Variants in PNPLA3 observed in about 807,000 individuals in gnomAD.
PNPLA3 encodes 1-acylglycerol-3-phosphate O-acyltransferase PNPLA3.
Under a neutral mutation model 43.1 loss-of-function variants are expected in PNPLA3, and 42 were observed. The ratio of observed to expected loss-of-function variants is 0.97; its 90% CI spans 0.76 to 1.26. The LOEUF is 1.26. PNPLA3 is among the 50% of genes most tolerant of loss of function. The pLI, the probability that PNPLA3 is intolerant of heterozygous loss-of-function variation, is 0.00. For synonymous variants in PNPLA3, 272 were observed against 253.6 expected (o/e 1.07, Z -0.69); for missense variants, 647 against 621.4 (o/e 1.04, Z -0.44).
chr22:43,928,773 A>G (rs1360524431), intron 2 of PNPLA3, 51 bp from the exon 3 acceptor site: 2 of 1,533,398 alleles, frequency 1.3e-6, no homozygotes, highest in Non-Finnish European at 1.8e-6. Context: ...AGGATCAGGA[A>G]AATTAAAAGG....
At chr22:43,941,345 A>T (rs1199383185) in intron 7 of PNPLA3, among the ~76,000 whole-genome samples, 13 of 47,770 alleles carry the variant, frequency 2.7e-4, no homozygotes, top group Non-Finnish European at 3.4e-4. Context: ...AGTGGGGGGG[A>T]TGGGGGGTGG....
rs894006481 is a variant in PNPLA3 at position 43,946,045 on chromosome 22, A to AGT, written c.1218-101_1218-100dup. 4 of 991,862 alleles carry AGT rather than the reference A, an allele frequency of 4.0e-6. No homozygotes were observed. In the South Asian group the frequency reaches 4.3e-5, roughly 11 times the overall value. 61.4% of individuals were successfully genotyped at this position (991,862 alleles called of 1,614,324 possible). A position where few individuals can be genotyped will look rare whatever the true frequency, so the allele number is the denominator to read the frequency against. On this transcript the variant is annotated intron_variant, in intron 8 of 8. Transcript: ENST00000216180. ...GTCTCTGGCTGTGACGGCACCCTAG[A>AGT]GTGTGTGTGGTGCCCTCTACTGGCC...
intron 1 of PNPLA3, among the ~76,000 whole-genome samples, chr22:43,925,427 T>A (rs931052655): frequency 2.0e-5 from 3 of 152,094 alleles, no homozygotes; most frequent in African/African-American, 4.8e-5. Flanking sequence ...CTGGGGCAAG[T>A]AGCATTGTGA....
rs190057614 is a variant in PNPLA3, at chr22:43,933,228, T to G, written c.696+141T>G. 8.8e-4 allele frequency: 706 copies of G among 801,002 alleles called. 3 individuals are homozygous for G. The highest frequency in any genetic ancestry group is 8.0e-5 in the Non-Finnish European group (41 of 510,744). The allele number at this position is 801,002 out of a possible 1,614,324, so 49.6% of individuals were successfully genotyped here. On this transcript the variant is annotated intron_variant, in intron 4 of 8. Coordinates refer to ENST00000216180, the MANE Select transcript of PNPLA3 (RefSeq NM_025225.3). ...ATGGTTAACGGAAATAAAAGGCGCT[T>G]GTCCCAGAAGCTCAGGTGAGGCACC... is the stretch of plus-strand genomic sequence containing the variant.
chr22:43,924,538 G>C lies in PNPLA3; in HGVS notation c.187+440G>C, dbSNP rs2049908932. On this transcript the variant is annotated intron_variant, in intron 1 of 8. Coordinates refer to ENST00000216180, the MANE Select transcript of PNPLA3 (RefSeq NM_025225.3). ...GGCTGAGCTGCCGAGGGGCCGATTTGCCCTGGGCCGGACAAAGAGTGGGGC... is the reference window on the plus strand; with the variant it reads ...GGCTGAGCTGCCGAGGGGCCGATTTCCCCTGGGCCGGACAAAGAGTGGGGC... 3.3e-5 allele frequency among the ~76,000 whole-genome samples: 5 copies of C among 152,222 alleles called. No homozygotes were observed. The South Asian group carries it at 1.0e-3, about 32-fold the overall frequency.
Position 43,933,045 on chromosome 22 carries a change from C to A in PNPLA3, c.654C>A (p.Asn218Lys), listed in dbSNP as rs753103094. The change falls in exon 4 of 9, where the codon AAC (asparagine) becomes AAA (lysine). Residue 218 changes from asparagine to lysine, a missense_variant. By Grantham distance (94) the Asn-to-Lys change is moderately conservative. Coordinates refer to ENST00000216180, the MANE Select transcript of PNPLA3 (RefSeq NM_025225.3). ...TCAGTCTACGCCTCTGCACAGGGAA[C>A]CTCTACCTTCTCTCGAGAGCTTTTG... ...TKLSLRLCTG[N>K]LYLLSRAFVP... The A allele has an allele frequency of 1.2e-5, 20 of 1,614,050 alleles. No individual in the cohort carries two copies. Among genetic ancestry groups the A allele is most frequent in the Admixed American group, 3.3e-5 (2 of 60,006 alleles).
intron 7 of PNPLA3, among the ~76,000 whole-genome samples, chr22:43,941,076 C>T (rs570271581): frequency 1.0e-4 from 13 of 128,196 alleles, no homozygotes; most frequent in South Asian, 2.6e-4. Flanking sequence ...ACCTAGGAGG[C>T]GGAGGTTGGT....
chr22:43,947,047 A>G lies in PNPLA3; in HGVS notation c.*665A>G, dbSNP rs1383858418. ...GTATTATGTGAATCAGTGAGATGTT[A>G]GTAGAATAAGCCTTAAAAAAAAAAA... is the stretch of plus-strand genomic sequence containing the variant. On this transcript the variant is annotated 3_prime_UTR_variant, in exon 9 of 9. Transcript: ENST00000216180. The G allele has an allele frequency of 6.6e-5, 15 of 228,638 alleles. No individual in the cohort carries two copies. Among genetic ancestry groups the G allele is most frequent in the Non-Finnish European group, 1.1e-4 (13 of 117,572 alleles). 14.2% of individuals were successfully genotyped at this position (228,638 alleles called of 1,614,324 possible). A position where few individuals can be genotyped will look rare whatever the true frequency, so the allele number is the denominator to read the frequency against.
chr22:43,945,487 T>C (rs2050057323), intron 8 of PNPLA3, among the ~76,000 whole-genome samples: 1 of 152,126 alleles, frequency 6.6e-6, no homozygotes, highest in Non-Finnish European at 1.5e-5. Flanking sequence ...ATCCCCTCAA[T>C]GGGTTTCCGT....
chr22:43,946,296 C>G lies in PNPLA3; in HGVS notation c.1360C>G (p.Leu454Val), dbSNP rs1165022892. 1.2e-6 allele frequency: 2 copies of G among 1,614,032 alleles called. No individual in the cohort carries two copies. The highest frequency in any genetic ancestry group is 1.3e-5 in the African/African-American group (1 of 74,868). The change falls in exon 9 of 9, where the codon CTG becomes GTG. Residue 454 changes from leucine (L) to valine (V), a missense_variant. Coordinates refer to ENST00000216180, the MANE Select transcript of PNPLA3 (RefSeq NM_025225.3). ...ATPRSILRSS[L>V]NFFLGNKVPA... is the part of the protein sequence containing the mutation. ...CCCGCGGTCCATCCTCAGGTCCAGC[C>G]TGAACTTCTTCTTGGGCAATAAAGT...
chr22:43,929,599 CTTT>C (rs201016637), intron 3 of PNPLA3, among the ~76,000 whole-genome samples: 3 of 128,732 alleles, frequency 2.3e-5, no homozygotes, highest in Admixed American at 1.7e-4. Context: ...TTTTTCTTTT[CTTT>C]TTTTTTTTTT....
intron 3 of PNPLA3, among the ~76,000 whole-genome samples, chr22:43,930,538 C>G (rs1388958657): frequency 6.6e-6 from 1 of 152,192 alleles, no homozygotes; most frequent in African/African-American, 2.4e-5. Flanking sequence ...CCCAGCAGCA[C>G]CGTAGTGATG....
At chr22:43,943,303 T>C (rs2050042989) in intron 7 of PNPLA3, among the ~76,000 whole-genome samples, 2 of 152,066 alleles carry the variant, frequency 1.3e-5, no homozygotes, top group East Asian at 1.9e-4. Context: ...GTGGGTTTTT[T>C]CCCATATAGC....
At chr22:43,927,232 CT>C (rs1328556422) in intron 2 of PNPLA3, 65 bp downstream of exon 2, 1 of 1,466,648 alleles carries the variant, frequency 6.8e-7, no homozygotes, top group Non-Finnish European at 9.5e-7. Context: ...GGTGTGGTGG[CT>C]CATGCCTGTC....
rs927153737 is a variant in PNPLA3 at position 43,946,532 on chromosome 22, A to G, written c.*150A>G. 37 of 781,388 alleles carry G rather than the reference A, an allele frequency of 4.7e-5. No individual in the cohort carries two copies. The highest frequency in any genetic ancestry group is 7.9e-5 in the Non-Finnish European group (36 of 456,850). The allele number at this position is 781,388 out of a possible 1,614,324, so 48.4% of individuals were successfully genotyped here. A position where few individuals can be genotyped will look rare whatever the true frequency, so the allele number is the denominator to read the frequency against. On this transcript the variant is annotated 3_prime_UTR_variant, in exon 9 of 9. Coordinates refer to ENST00000216180, the MANE Select transcript of PNPLA3 (RefSeq NM_025225.3). ...AGCTGAGTTGGTTTTATGAAAAGCT[A>G]GGAAGCAACCTTTCGCCTGTGCAGC...
At chr22:43,932,849 T>C in intron 3 of PNPLA3, 29 bp from the exon 4 acceptor site, 1 of 1,602,740 alleles carries the variant, frequency 6.2e-7, no homozygotes, top group Non-Finnish European at 8.5e-7. Context: ...CTTCAGACAG[T>C]GCCAGTCCTT....
At chr22:43,924,175 G>A in intron 1 of PNPLA3, 77 bp downstream of exon 1, 1 of 1,361,534 alleles carries the variant, frequency 7.3e-7, no homozygotes, top group Non-Finnish European at 9.4e-7. Context: ...GATCCCCAGG[G>A]GTCGCGGGGC....
Position 43,946,774 on chromosome 22 carries a change from G to C in PNPLA3, c.*392G>C. 1 of 524,816 alleles carries C rather than the reference G, an allele frequency of 1.9e-6. No homozygotes were observed. The highest frequency in any genetic ancestry group is 3.1e-4 in the Middle Eastern group (1 of 3,178). The allele number at this position is 524,816 out of a possible 1,614,324, so 32.5% of individuals were successfully genotyped here. On this transcript the variant is annotated 3_prime_UTR_variant, in exon 9 of 9. Coordinates refer to ENST00000216180, the MANE Select transcript of PNPLA3 (RefSeq NM_025225.3). ...TGGCCCATGTGTGATCTTGTGGGGT[G>C]GAGGGAAGAGAATAGCATGATCCCA...
intron 8 of PNPLA3, 150 bp from the exon 9 acceptor site, chr22:43,946,004 G>T: frequency 1.3e-6 from 1 of 746,252 alleles, no homozygotes; most frequent in South Asian, 1.6e-5. Context: ...CAGCACTGAG[G>T]GCTAGAAGAA....
Sources: allele counts gnomAD v4.1 joint callset (sites outside exome capture counted in the v4.1 genomes callset), GRCh38; gene constraint gnomAD v4.1.1; transcripts MANE v1.5; gene names NCBI Gene and HGNC (gene_info 2026-07-23, HGNC 2026-07-21).